SLC26A4: variants seen among roughly 807,000 people sequenced by gnomAD.
SLC26A4 encodes solute carrier family 26 member 4, also known as pendrin.
A neutral mutation model predicts 90.4 loss-of-function variants in SLC26A4; 93 were observed. That is an observed-to-expected ratio of 1.03 (90% confidence interval 0.87 to 1.22). SLC26A4 has a LOEUF of 1.22. Among genes scored for constraint, SLC26A4 ranks in the 50% most tolerant of loss-of-function variants. The probability of loss-of-function intolerance (pLI) is 0.00; values close to 1 mark genes in which losing one functional copy is unlikely to be tolerated. For synonymous variants in SLC26A4, 393 were observed against 354.6 expected, an observed-to-expected ratio of 1.11 and a Z score of -1.22; for missense variants, 1,127 against 946.2, an observed-to-expected ratio of 1.19 and a Z score of -2.51.
chr7:107,679,949 T>C lies in SLC26A4; in HGVS notation c.766-3253T>C, dbSNP rs188660702. On this transcript the variant is annotated intron_variant, in intron 6 of 20. Transcript: ENST00000644269. ...ATAATCTTATTATATAATCTTATCT[T>C]ATATAATATAATCTTATTATATAAT... Among the ~76,000 whole-genome samples, 714 of 124,682 alleles carry C rather than the reference T, an allele frequency of 5.7e-3. 10 individuals carry two copies. Among genetic ancestry groups the C allele is most frequent in the African/African-American group, 0.023 (672 of 28,656 alleles). 81.8% of individuals were successfully genotyped at this position (124,682 alleles called of 152,430 possible).
intron 18 of SLC26A4, among the ~76,000 whole-genome samples, chr7:107,707,532 T>G (rs1792066117): frequency 6.6e-6 from 1 of 152,214 alleles, no homozygotes; most frequent in African/African-American, 2.4e-5. Flanking sequence ...TGGCTATATT[T>G]AAAGATCTGA....
intron 6 of SLC26A4, among the ~76,000 whole-genome samples, chr7:107,677,970 G>T (rs10240818): frequency 0.52 from 79,406 of 151,720 alleles, 22,216 homozygotes; most frequent in African/African-American, 0.73. Context: ...TAGAGACAGG[G>T]GTTTTGCAAT....
intron 17 of SLC26A4, 126 bp downstream of exon 17, chr7:107,702,183 A>T (rs1020109909): frequency 1.4e-6 from 1 of 726,124 alleles, no homozygotes; most frequent in Middle Eastern, 2.3e-4. Flanking sequence ...ATGCTTTTGT[A>T]AAAAAGTGTA....
At chr7:107,691,832 T>C (rs1365448544) in intron 10 of SLC26A4, 8 of 1,133,736 alleles carry the variant, frequency 7.1e-6, no homozygotes, top group Non-Finnish European at 8.8e-6. Context: ...ATACAGCTCA[T>C]ATCCGGAGGC....
chr7:107,677,898 T>G (rs1345719250), intron 6 of SLC26A4, among the ~76,000 whole-genome samples: 2 of 152,090 alleles, frequency 1.3e-5, no homozygotes, highest in African/African-American at 4.8e-5. Flanking sequence ...ATTAAAGGAG[T>G]GAGCCACCAT....
intron 3 of SLC26A4, among the ~76,000 whole-genome samples, chr7:107,665,172 G>A (rs1008405811): frequency 6.6e-6 from 1 of 152,190 alleles, no homozygotes. Flanking sequence ...GTGATGGGAA[G>A]TAGGGTGGGG....
intron 18 of SLC26A4, among the ~76,000 whole-genome samples, chr7:107,705,209 T>C (rs1441462179): frequency 6.6e-6 from 1 of 152,158 alleles, no homozygotes; most frequent in Non-Finnish European, 1.5e-5. Flanking sequence ...GTGAACAAAA[T>C]GTAGGAGATC....
At chr7:107,671,558 G>A (rs1790866941) in intron 3 of SLC26A4, among the ~76,000 whole-genome samples, 2 of 152,320 alleles carry the variant, frequency 1.3e-5, no homozygotes, top group Admixed American at 6.5e-5. Flanking sequence ...ATTTGAGCAG[G>A]TGATGTTTGT....
At chr7:107,708,747 A>G (rs1792100152) in intron 18 of SLC26A4, among the ~76,000 whole-genome samples, 1 of 151,470 alleles carries the variant, frequency 6.6e-6, no homozygotes, top group Non-Finnish European at 1.5e-5. Context: ...TTGAACCCAG[A>G]AAGATATTAC....
intron 8 of SLC26A4, among the ~76,000 whole-genome samples, chr7:107,684,367 G>A (rs1234605177): frequency 6.6e-6 from 1 of 152,202 alleles, no homozygotes; most frequent in Non-Finnish European, 1.5e-5. Flanking sequence ...AGGAAAGGGA[G>A]TGGAGGGGAG....
chr7:107,712,683 C>T (rs73421459), intron 20 of SLC26A4, 61 bp downstream of exon 20: 8 of 891,448 alleles, frequency 9.0e-6, no homozygotes, highest in African/African-American at 6.6e-5. Flanking sequence ...TAGAGTAATA[C>T]AAATAGTGAA....
At chr7:107,687,838 A>C (rs1791460513) in intron 8 of SLC26A4, among the ~76,000 whole-genome samples, 1 of 152,210 alleles carries the variant, frequency 6.6e-6, no homozygotes, top group African/African-American at 2.4e-5. Context: ...CCCAAGTCAC[A>C]TCCCAACTAG....
chr7:107,702,987 G>C (rs1159309203), intron 17 of SLC26A4, among the ~76,000 whole-genome samples: 1 of 152,156 alleles, frequency 6.6e-6, no homozygotes, highest in Non-Finnish European at 1.5e-5. Context: ...AAACATTAAT[G>C]ATATCAGAAA....
Position 107,683,214 on chromosome 7 carries a change from A to AT in SLC26A4, c.783dup (p.Gln262SerfsTer5), listed in dbSNP as rs1395993186. 5 of 1,612,016 alleles carry AT rather than the reference A, an allele frequency of 3.1e-6. No individual in the cohort carries two copies. Among genetic ancestry groups the AT allele is most frequent in the Non-Finnish European group, 4.2e-6 (5 of 1,179,696 alleles). ...TTTCTTTTTATAGACGCTGGTTGAG[A>AT]TTTTTCAAAATATTGGTGATACCAA... On this transcript the variant is annotated frameshift_variant, in exon 7 of 21. Transcript: ENST00000644269. LOFTEE classifies it high-confidence loss of function.
intron 8 of SLC26A4, among the ~76,000 whole-genome samples, chr7:107,684,239 C>T (rs1208027094): frequency 1.3e-5 from 2 of 152,122 alleles, no homozygotes; most frequent in African/African-American, 4.8e-5. Flanking sequence ...ACAAAGGAGG[C>T]CTAGACGTTT....
At chr7:107,674,398 T>G in intron 5 of SLC26A4, 50 bp downstream of exon 5, 1 of 1,378,138 alleles carries the variant, frequency 7.3e-7, no homozygotes, top group South Asian at 1.2e-5. Flanking sequence ...TTATTTGAAA[T>G]TAACTTTAAA....
At position 107,675,015 on chromosome 7, in the gene SLC26A4, C is replaced by T. The variant is rs1319904899; in HGVS notation, c.671C>T (p.Thr224Ile). 6 of 1,613,892 alleles carry T rather than the reference C, an allele frequency of 3.7e-6. No homozygotes were observed. The highest frequency in any genetic ancestry group is 5.1e-6 in the Non-Finnish European group (6 of 1,179,932). ...YLADPLVGGFTTAAAFQVLVS... is the reference protein window; with the variant it reads ...YLADPLVGGFITAAAFQVLVS... Reference sequence around the variant, plus strand: ...GCAGATCCTTTGGTTGGTGGCTTCACAACAGCTGCTGCCTTCCAAGTGCTG... The same window carrying T: ...GCAGATCCTTTGGTTGGTGGCTTCATAACAGCTGCTGCCTTCCAAGTGCTG... Residue 224 changes from threonine (T) to isoleucine (I), a missense_variant, in exon 6 of 21, where the codon ACA becomes ATA. Thr to Ile is a moderately conservative substitution (Grantham distance 89). Coordinates refer to ENST00000644269, the MANE Select transcript of SLC26A4 (RefSeq NM_000441.2).
At position 107,661,911 on chromosome 7, in the gene SLC26A4, C is replaced by G. The variant is rs1790568766; in HGVS notation, c.164+106C>G. ...CGAGAGTGGGGTGCGGGCGGCGGAG[C>G]CCCTGGGCGCCAGCTGCTTCTCCCA... On this transcript the variant is annotated intron_variant, in intron 2 of 20. Transcript: ENST00000644269. This position sits in a 1 kb window ranked among gnomAD's most constrained non-coding sequence, Gnocchi z 5.1. 1.6e-6 allele frequency: 2 copies of G among 1,270,616 alleles called. No homozygotes were observed. Among genetic ancestry groups the G allele is most frequent in the African/African-American group, 1.5e-5 (1 of 66,370 alleles). The allele number at this position is 1,270,616 out of a possible 1,614,324, so 78.7% of individuals were successfully genotyped here.
intron 4 of SLC26A4, among the ~76,000 whole-genome samples, chr7:107,673,875 C>T (rs1038810784): frequency 6.6e-6 from 1 of 151,866 alleles, no homozygotes; most frequent in Admixed American, 6.6e-5. Flanking sequence ...ACCATAGGCA[C>T]GCACCACCAC....
Sources: allele counts gnomAD v4.1 joint callset (sites outside exome capture counted in the v4.1 genomes callset), GRCh38; gene constraint gnomAD v4.1.1; non-coding constraint Gnocchi (gnomAD v3.1); transcripts MANE v1.5; gene names NCBI Gene and HGNC (gene_info 2026-07-23, HGNC 2026-07-21).